The following MON2 variants were observed in gnomAD, a reference collection of about 807,000 sequenced individuals.
MON2 encodes the protein protein MON2 homolog.
MON2 carries 84 observed loss-of-function variants against 208.6 expected under a neutral mutation model. That is an observed-to-expected ratio of 0.40 (90% confidence interval 0.34 to 0.48). The LOEUF (loss-of-function observed/expected upper bound fraction) is 0.48, where lower values mean the gene tolerates loss of function less well. Among genes scored for constraint, MON2 ranks in the 20% least tolerant of loss-of-function variants. The pLI, the probability that MON2 is intolerant of heterozygous loss-of-function variation, is 0.59. For synonymous variants in MON2, 660 were observed against 694.0 expected (o/e 0.95, Z 0.77); for missense variants, 1,611 against 2,015.4 (o/e 0.80, Z 3.84).
At chr12:62,558,246 G>A (rs1240566527) in intron 25 of MON2, among the ~76,000 whole-genome samples, 1 of 151,722 alleles carries the variant, frequency 6.6e-6, no homozygotes, top group African/African-American at 2.4e-5. Flanking sequence ...CCAAAGTGCT[G>A]GGATTACAGG....
intron 24 of MON2, among the ~76,000 whole-genome samples, chr12:62,555,607 C>T (rs1049022471): frequency 3.3e-5 from 5 of 152,032 alleles, no homozygotes; most frequent in Admixed American, 1.3e-4. Context: ...GTCAGAAGTT[C>T]GAGACCAGCC....
intron 24 of MON2, 110 bp downstream of exon 24, chr12:62,553,284 G>C (rs554121438): frequency 2.8e-6 from 3 of 1,068,430 alleles, no homozygotes; most frequent in Non-Finnish European, 4.0e-6. Flanking sequence ...CCATGCATTT[G>C]TGTATTTGAC....
At chr12:62,480,083 A>G (rs778388774) in intron 1 of MON2, among the ~76,000 whole-genome samples, 3 of 152,228 alleles carry the variant, frequency 2.0e-5, no homozygotes, top group African/African-American at 4.8e-5. Flanking sequence ...CAGGGTGCCT[A>G]TGAGAATAAG....
chr12:62,491,698 T>C (rs2070150780), intron 2 of MON2, among the ~76,000 whole-genome samples: 1 of 152,170 alleles, frequency 6.6e-6, no homozygotes. Flanking sequence ...ACTATATCAG[T>C]AGGGCTGCAT....
chr12:62,566,063 T>A, intron 28 of MON2, 32 bp downstream of exon 28: 2 of 1,593,418 alleles, frequency 1.3e-6, no homozygotes, highest in Non-Finnish European at 1.7e-6. Flanking sequence ...TGTCCTAACC[T>A]CTTGGCAACA....
chr12:62,591,801 A>G (rs2075405454), intron 34 of MON2, among the ~76,000 whole-genome samples: 1 of 152,216 alleles, frequency 6.6e-6, no homozygotes, highest in Non-Finnish European at 1.5e-5. Flanking sequence ...CTCTCTACAC[A>G]TAGTATTTAT....
At chr12:62,492,712 G>A (rs2070229988) in intron 2 of MON2, among the ~76,000 whole-genome samples, 1 of 148,254 alleles carries the variant, frequency 6.7e-6, no homozygotes, top group South Asian at 2.2e-4. Context: ...CAGGCACGGT[G>A]GCTCACGCCT....
intron 11 of MON2, among the ~76,000 whole-genome samples, chr12:62,530,532 A>C (rs1461480844): frequency 6.6e-6 from 1 of 152,140 alleles, no homozygotes; most frequent in Non-Finnish European, 1.5e-5. Flanking sequence ...TGTCCGGCCC[A>C]GCATAATGTT....
Position 62,543,148 on chromosome 12 carries a change from A to G in MON2, c.2416A>G (p.Met806Val), listed in dbSNP as rs1282314750. 2 of 1,578,438 alleles carry G rather than the reference A, an allele frequency of 1.3e-6. No individual in the cohort carries two copies. The highest frequency in any genetic ancestry group is 1.4e-5 in the African/African-American group (1 of 72,836). Residue 806 changes from methionine to valine, a missense_variant, in exon 20 of 35, where the codon ATG becomes GTG. Met to Val is a conservative substitution (Grantham distance 21). Transcript: ENST00000393630. The stretch of plus-strand genomic sequence containing the variant: ...ATTGTTAGAAACTGGTTTAGTTAAT[A>G]TGCACCGAATAGAAATTCTGTGGAG... ...AKLLETGLVNMHRIEILWRPL... is the reference protein window; with the variant it reads ...AKLLETGLVNVHRIEILWRPL...
Position 62,578,462 on chromosome 12 carries a change from T to C in MON2, c.4532T>C (p.Leu1511Pro). Residue 1511 changes from leucine (L) to proline (P), a missense_variant, in exon 31 of 35, where the codon CTC becomes CCC. By Grantham distance (98) the Leu-to-Pro change is moderately conservative (BLOSUM62 -3). Transcript: ENST00000393630. ...TTTTTTAGCATACCTCCAGATAATC[T>C]CTCTATTCAAGAGTTTCAAAGAAAT... is the stretch of plus-strand genomic sequence containing the variant. ...LFTKSIPPDNLSIQEFQRNEN... is the reference protein window; with the variant it reads ...LFTKSIPPDNPSIQEFQRNEN... 6 of 1,473,296 alleles carry C rather than the reference T, an allele frequency of 4.1e-6. No homozygotes were observed. Among genetic ancestry groups the C allele is most frequent in the Non-Finnish European group, 5.6e-6 (6 of 1,077,512 alleles). 91.3% of individuals were successfully genotyped at this position (1,473,296 alleles called of 1,614,324 possible).
rs555401215 is a variant in MON2 at position 62,553,711 on chromosome 12, AT to A, written c.3210+544del. ...TGTTTATTCATTAAATTACAATTTC[AT>A]TTTTTTCTTCTTTTGAAACTTTCTA... is the stretch of plus-strand genomic sequence containing the variant. On this transcript the variant is annotated intron_variant, in intron 24 of 34. Coordinates refer to ENST00000393630, the MANE Select transcript of MON2 (RefSeq NM_015026.3). Among the ~76,000 whole-genome samples the A allele has an allele frequency of 5.4e-4, 82 of 152,222 alleles. 1 individual carries two copies. The highest frequency in any genetic ancestry group is 9.4e-4 in the Non-Finnish European group (64 of 67,994).
intron 31 of MON2, 115 bp from the exon 32 acceptor site, chr12:62,580,182 A>C: frequency 1.0e-6 from 1 of 978,452 alleles, no homozygotes; most frequent in Non-Finnish European, 1.5e-6. Context: ...TACTTCTTTA[A>C]AGGAGAGTTC....
At chr12:62,538,380 G>A (rs776345582) in intron 18 of MON2, 35 bp from the exon 19 acceptor site, 8 of 1,586,456 alleles carry the variant, frequency 5.0e-6, no homozygotes, top group Non-Finnish European at 6.9e-6. Flanking sequence ...ATATATTTTA[G>A]ATCAAGATGT....
At chr12:62,566,837 T>C (rs2074402335) in intron 29 of MON2, among the ~76,000 whole-genome samples, 1 of 151,972 alleles carries the variant, frequency 6.6e-6, no homozygotes, top group African/African-American at 2.4e-5. Flanking sequence ...TATACATATG[T>C]AACAAACCTG....
At chr12:62,494,602 GTGT>G (rs1416691991) in intron 3 of MON2, among the ~76,000 whole-genome samples, 2 of 152,164 alleles carry the variant, frequency 1.3e-5, no homozygotes, top group Admixed American at 6.5e-5. Flanking sequence ...GTGTGCCAAT[GTGT>G]TGTTAATATG....
intron 12 of MON2, among the ~76,000 whole-genome samples, chr12:62,533,808 A>G (rs562089609): frequency 6.6e-6 from 1 of 152,276 alleles, no homozygotes; most frequent in East Asian, 1.9e-4. Flanking sequence ...GTCTCTGTAC[A>G]TTTCTAAAAT....
At chr12:62,468,518 A>G (rs1364395783) in intron 1 of MON2, among the ~76,000 whole-genome samples, 1 of 152,194 alleles carries the variant, frequency 6.6e-6, no homozygotes, top group Non-Finnish European at 1.5e-5. Flanking sequence ...TGTAAGGAAT[A>G]TTGACTTTTC....
At chr12:62,484,352 T>C (rs1248758628) in intron 2 of MON2, 119 bp downstream of exon 2, 14 of 640,140 alleles carry the variant, frequency 2.2e-5, no homozygotes, top group Admixed American at 8.7e-5. Context: ...CCCTAACATA[T>C]GCTATTCATA....
intron 8 of MON2, among the ~76,000 whole-genome samples, chr12:62,520,593 A>G (rs61919481): frequency 0.06 from 9,201 of 152,098 alleles, 527 homozygotes; most frequent in East Asian, 0.25. Context: ...GATACACAGT[A>G]AAAACGCTTC....
Sources: gnomAD v4.1 joint callset for allele counts (sites outside exome capture counted in the v4.1 genomes callset) on GRCh38, gnomAD v4.1.1 for gene constraint, MANE v1.5 for transcripts, NCBI Gene and HGNC (gene_info 2026-07-23, HGNC 2026-07-21) for gene names.